The following SYNE1 variants were observed in gnomAD, a reference collection of about 807,000 sequenced individuals.
The protein encoded by SYNE1 is spectrin repeat containing nuclear envelope protein 1.
In SYNE1, 616 loss-of-function variants were observed where a neutral mutation model predicts 1,111.0. The observed-to-expected ratio is 0.55, with a 90% CI of 0.52 to 0.59. SYNE1 has a LOEUF of 0.59. Among genes scored for constraint, SYNE1 ranks in the 20% least tolerant of loss-of-function variants. The pLI is 0.00. For missense variants in SYNE1, 10,006 were observed against 10,417.0 expected (o/e 0.96, Z 1.72); for synonymous variants, 3,855 against 3,825.8 (o/e 1.01, Z -0.28).
intron 3 of SYNE1, among the ~76,000 whole-genome samples, chr6:152,600,432 C>T (rs1335807537): frequency 6.6e-6 from 1 of 152,038 alleles, no homozygotes; most frequent in Non-Finnish European, 1.5e-5. Context: ...TTTTAAAAAG[C>T]AAACAGAAAC....
chr6:152,227,847 TA>T (rs1333409216), intron 115 of SYNE1, among the ~76,000 whole-genome samples: 1 of 152,148 alleles, frequency 6.6e-6, no homozygotes, highest in Admixed American at 6.5e-5. Context: ...CTGAAATATA[TA>T]TTTTATAAAA....
At chr6:152,491,658 G>A (rs1326883347) in intron 11 of SYNE1, among the ~76,000 whole-genome samples, 1 of 152,132 alleles carries the variant, frequency 6.6e-6, no homozygotes, top group East Asian at 1.9e-4. Flanking sequence ...CTTGAAAAAT[G>A]TGCAAATGGT....
At chr6:152,421,671 TTTTATTTATTTA>T (rs377235444) in intron 39 of SYNE1, among the ~76,000 whole-genome samples, 5,517 of 145,344 alleles carry the variant, frequency 0.038, 342 homozygotes, top group African/African-American at 0.13. Context: ...ATTTTCCTTA[TTTTATTTATTTA>T]TTTATTTATT....
chr6:152,323,883 C>G, intron 81 of SYNE1, 146 bp from the exon 82 acceptor site: 1 of 900,634 alleles, frequency 1.1e-6, no homozygotes, highest in African/African-American at 1.7e-5. Context: ...GGAACCTGAG[C>G]AACCTTCTTA....
intron 140 of SYNE1, among the ~76,000 whole-genome samples, chr6:152,137,923 A>C (rs961855455): frequency 3.3e-5 from 5 of 152,184 alleles, no homozygotes; most frequent in Admixed American, 2.0e-4. Context: ...GTCATGCCGG[A>C]TGACTTTCAA....
At chr6:152,265,372 T>G (rs2092590585) in intron 100 of SYNE1, among the ~76,000 whole-genome samples, 1 of 152,142 alleles carries the variant, frequency 6.6e-6, no homozygotes, top group Non-Finnish European at 1.5e-5. Flanking sequence ...CATGCATATA[T>G]CTCAAAAAAT....
chr6:152,569,216 G>A (rs769885570), intron 3 of SYNE1, among the ~76,000 whole-genome samples: 1 of 152,152 alleles, frequency 6.6e-6, no homozygotes, highest in Non-Finnish European at 1.5e-5. Flanking sequence ...TGATTCTTAT[G>A]CACAATCAAA....
intron 72 of SYNE1, among the ~76,000 whole-genome samples, chr6:152,349,317 T>C (rs1440103130): frequency 6.6e-6 from 1 of 152,248 alleles, no homozygotes; most frequent in Non-Finnish European, 1.5e-5. Flanking sequence ...GAACTCCTCA[T>C]ATTAGTTTTG....
chr6:152,433,980 TATTTTAATA>T, intron 33 of SYNE1, 35 bp from the exon 34 acceptor site: 1 of 1,547,320 alleles, frequency 6.5e-7, no homozygotes, highest in South Asian at 1.1e-5. Context: ...TAAAACTCAG[TATTTTAATA>T]GAGAACAACA....
chr6:152,150,132 G>A (rs905051711), intron 135 of SYNE1, among the ~76,000 whole-genome samples: 3 of 152,168 alleles, frequency 2.0e-5, no homozygotes, highest in African/African-American at 7.2e-5. Flanking sequence ...CCAATGCCAC[G>A]CCTTCTTCTC....
chr6:152,526,297 A>C, intron 4 of SYNE1, 122 bp from the exon 5 acceptor site: 5 of 959,202 alleles, frequency 5.2e-6, no homozygotes, highest in Non-Finnish European at 8.1e-6. Flanking sequence ...TATATACTTT[A>C]ATTCTTTATT....
chr6:152,500,610 T>C lies in SYNE1; in HGVS notation c.889-1818A>G, dbSNP rs12526800. Among the ~76,000 whole-genome samples, 487 of 152,332 alleles carry C rather than the reference T, an allele frequency of 3.2e-3. 2 individuals carry two copies. The highest frequency in any genetic ancestry group is 9.8e-3 in the African/African-American group (408 of 41,568). Reference sequence around the variant, plus strand: ...ATGTCTACTTGTAAGCTTTTGGTTATGCTCCTTAGCCTTTTTCTTCTTTAT... The same window carrying C: ...ATGTCTACTTGTAAGCTTTTGGTTACGCTCCTTAGCCTTTTTCTTCTTTAT... On this transcript the variant is annotated intron_variant, in intron 10 of 145. Transcript: ENST00000367255.
Position 152,180,251 on chromosome 6 carries a change from C to T in SYNE1, c.23345G>A (p.Trp7782Ter). The T allele has an allele frequency of 6.2e-7, 1 of 1,614,066 alleles. No homozygotes were observed. Among genetic ancestry groups the T allele is most frequent in the Non-Finnish European group, 8.5e-7 (1 of 1,180,000 alleles). ...CTTGTTCTTTTCACTGAAGACTGCC[C>T]ATTCATTCAATCTTTCACCTATTTG... ...RQQIGERLNE[W>*]AVFSEKNKEL... Residue 7782 changes from tryptophan (W) to a stop codon, truncating the protein, a stop_gained, in exon 129 of 146, where the codon TGG (tryptophan) becomes TAG (stop). Transcript: ENST00000367255. LOFTEE classifies it high-confidence loss of function.
chr6:152,636,894 C>T (rs1340517033), intron 1 of SYNE1, 89 bp from the exon 2 acceptor site: 1 of 152,368 alleles, frequency 6.6e-6, no homozygotes, highest in Non-Finnish European at 1.5e-5. Flanking sequence ...CGCCCACACT[C>T]ACTCCCGCGC....
At chr6:152,471,074 T>C (rs1360254001) in intron 16 of SYNE1, among the ~76,000 whole-genome samples, 2 of 152,070 alleles carry the variant, frequency 1.3e-5, no homozygotes, top group African/African-American at 4.8e-5. Context: ...CAGAGATTCA[T>C]AGATAAAATG....
At chr6:152,201,087 G>A (rs2635442) in intron 127 of SYNE1, among the ~76,000 whole-genome samples, 20,509 of 152,170 alleles carry the variant, frequency 0.13, 1,590 homozygotes, top group Middle Eastern at 0.26. Flanking sequence ...GGGAACACAA[G>A]GGCATGTTTA....
At chr6:152,432,130 C>G (rs983522353) in intron 34 of SYNE1, among the ~76,000 whole-genome samples, 79 of 152,070 alleles carry the variant, frequency 5.2e-4, no homozygotes, top group African/African-American at 1.8e-3. Context: ...GAAGACGAAC[C>G]CAGCATATGT....
intron 102 of SYNE1, among the ~76,000 whole-genome samples, 182 bp from the exon 103 acceptor site, chr6:152,255,928 T>C (rs1484896057): frequency 6.6e-6 from 1 of 152,130 alleles, no homozygotes; most frequent in African/African-American, 2.4e-5. Context: ...CAAAACCCCA[T>C]CTGTACTAAA....
chr6:152,200,343 A>G (rs994386861), intron 127 of SYNE1, among the ~76,000 whole-genome samples: 21 of 152,358 alleles, frequency 1.4e-4, no homozygotes, highest in Admixed American at 3.3e-4. Context: ...TAACACCAAT[A>G]TAGTCACAGC....
Sources: allele counts gnomAD v4.1 joint callset (sites outside exome capture counted in the v4.1 genomes callset), GRCh38; gene constraint gnomAD v4.1.1; transcripts MANE v1.5; gene names NCBI Gene and HGNC (gene_info 2026-07-23, HGNC 2026-07-21).